The following RP1L1 variants were observed in gnomAD, a reference collection of about 807,000 sequenced individuals.
RP1L1 encodes retinitis pigmentosa 1-like 1 protein.
In RP1L1, 27 loss-of-function variants were observed where a neutral mutation model predicts 15.7. The observed-to-expected ratio is 1.72, with a 90% CI of 1.27 to 2.38. RP1L1 has a LOEUF of 2.38. Among genes scored for constraint, RP1L1 ranks in the 30% most tolerant of loss-of-function variants. RP1L1 has a pLI of 0.00. For synonymous variants in RP1L1, 1,813 were observed against 1,276.7 expected (o/e 1.42, Z -8.96); for missense variants, 4,798 against 3,075.9 (o/e 1.56, Z -13.24).
intron 1 of RP1L1, among the ~76,000 whole-genome samples, chr8:10,652,195 C>T (rs941983407): frequency 6.6e-6 from 1 of 152,170 alleles, no homozygotes; most frequent in African/African-American, 2.4e-5. Context: ...CATCATGAAG[C>T]CACGCATGAC....
rs932213244 is a variant in RP1L1 at position 10,618,060 on chromosome 8, T to C, written c.610-1473A>G. Reference sequence around the variant, plus strand: ...CGTTGTAATTAGCAATGCTTGGGGATGTATTTCCATCTTTAAAGCACAGAG... The same window carrying C: ...CGTTGTAATTAGCAATGCTTGGGGACGTATTTCCATCTTTAAAGCACAGAG... On this transcript the variant is annotated intron_variant, in intron 2 of 3. Coordinates refer to ENST00000382483, the MANE Select transcript of RP1L1 (RefSeq NM_178857.6). 5.9e-5 allele frequency among the ~76,000 whole-genome samples: 9 copies of C among 152,222 alleles called. No homozygotes were observed. The East Asian group carries it at 1.2e-3, about 20-fold the overall frequency.
At chr8:10,641,839 C>A (rs1441913327) in intron 1 of RP1L1, among the ~76,000 whole-genome samples, 1 of 152,198 alleles carries the variant, frequency 6.6e-6, no homozygotes, top group Non-Finnish European at 1.5e-5. Flanking sequence ...AAGGAATGAA[C>A]TATTGGTACA....
At chr8:10,633,067 A>G (rs187853194) in intron 1 of RP1L1, among the ~76,000 whole-genome samples, 209 of 152,302 alleles carry the variant, frequency 1.4e-3, no homozygotes, top group Admixed American at 5.0e-3. Flanking sequence ...GCAGTGTCCA[A>G]TTCTCTGCAT....
intron 1 of RP1L1, among the ~76,000 whole-genome samples, chr8:10,626,019 G>T (rs971813878): frequency 6.6e-6 from 1 of 152,088 alleles, no homozygotes; most frequent in Non-Finnish European, 1.5e-5. Context: ...GGTAGACGGA[G>T]CAAGGAAAAA....
At chr8:10,619,227 G>C (rs1296889367) in intron 2 of RP1L1, among the ~76,000 whole-genome samples, 1 of 152,170 alleles carries the variant, frequency 6.6e-6, no homozygotes, top group Non-Finnish European at 1.5e-5. Flanking sequence ...TTGCAGCTTG[G>C]GATCTAAATG....
At chr8:10,619,462 C>G (rs1207346012) in intron 2 of RP1L1, among the ~76,000 whole-genome samples, 1 of 152,188 alleles carries the variant, frequency 6.6e-6, no homozygotes, top group Non-Finnish European at 1.5e-5. Context: ...AGAGCACAGT[C>G]ATTCCAGAGG....
In RP1L1 at chr8:10,608,725, C is replaced by CTCAGCT. The variant is rs755686213; in HGVS notation, c.5367_5372dup (p.Ala1790_Glu1791dup). ...TTTCACTTATGCCCTCTCCCTCCTG[C>CTCAGCT]TCAGCTTCCCCCAACTCACTGCCCG... On this transcript the variant is annotated inframe_insertion, in exon 4 of 4. Coordinates refer to ENST00000382483, the MANE Select transcript of RP1L1 (RefSeq NM_178857.6). 4 of 1,614,240 alleles carry CTCAGCT rather than the reference C, an allele frequency of 2.5e-6. No individual in the cohort carries two copies. The highest frequency in any genetic ancestry group is 3.4e-6 in the Non-Finnish European group (4 of 1,180,060).
chr8:10,624,258 T>A (rs1798121949), intron 1 of RP1L1, among the ~76,000 whole-genome samples: 1 of 152,158 alleles, frequency 6.6e-6, no homozygotes, highest in South Asian at 2.1e-4. Context: ...GGTGGCATCC[T>A]GGGATGCAAC....
rs571245765 is a variant in RP1L1 at position 10,622,750 on chromosome 8, G to C, written c.452C>G (p.Pro151Arg). 2.0e-5 allele frequency: 33 copies of C among 1,614,098 alleles called. No individual in the cohort carries two copies. The highest frequency in any genetic ancestry group is 2.0e-4 in the African/African-American group (15 of 75,028). Reference protein sequence around the residue: ...TSSSRKSLKTPRRILLIKNMD... With the variant: ...TSSSRKSLKTRRRILLIKNMD... Reference sequence around the variant, plus strand: ...GTTCTTAATCAGCAGTATCCTCCGGGGGGTTTTAAGACTCTTCCGGGAGGA... The same window carrying C: ...GTTCTTAATCAGCAGTATCCTCCGGCGGGTTTTAAGACTCTTCCGGGAGGA... The change falls in exon 2 of 4, where the codon CCC (proline) becomes CGC (arginine). Residue 151 changes from proline to arginine, a missense_variant. Coordinates refer to ENST00000382483, the MANE Select transcript of RP1L1 (RefSeq NM_178857.6).
At chr8:10,646,035 G>A (rs59329830) in intron 1 of RP1L1, among the ~76,000 whole-genome samples, 29,369 of 152,204 alleles carry the variant, frequency 0.19, 3,567 homozygotes, top group Non-Finnish European at 0.26. Context: ...TGGTCACCAA[G>A]AGAACAAGAT....
chr8:10,613,598 TCCAAAAAAAA>T (rs1403008105), intron 3 of RP1L1, among the ~76,000 whole-genome samples: 3 of 38,730 alleles, frequency 7.7e-5, no homozygotes, highest in African/African-American at 1.7e-4. Context: ...ACACCATCTC[TCCAAAAAAAA>T]AAAAAAAAAA....
At chr8:10,637,294 C>A (rs369477971) in intron 1 of RP1L1, among the ~76,000 whole-genome samples, 1 of 152,202 alleles carries the variant, frequency 6.6e-6, no homozygotes, top group Non-Finnish European at 1.5e-5. Flanking sequence ...CACCCCAGAG[C>A]AGAGCACAGG....
intron 1 of RP1L1, among the ~76,000 whole-genome samples, chr8:10,645,932 G>A (rs909253678): frequency 6.6e-6 from 1 of 152,176 alleles, no homozygotes; most frequent in Non-Finnish European, 1.5e-5. Context: ...TCTTGTCTGG[G>A]CCCTACAGAG....
rs200916072 is a variant in RP1L1 at position 10,611,240 on chromosome 8, G to A, written c.2858C>T (p.Pro953Leu). The A allele has an allele frequency of 2.7e-5, 44 of 1,612,946 alleles. No individual in the cohort carries two copies. The highest frequency in any genetic ancestry group is 3.7e-5 in the Non-Finnish European group (44 of 1,180,040). Residue 953 changes from proline to leucine, a missense_variant, in exon 4 of 4, where the codon CCA becomes CTA. Pro to Leu is a moderately conservative substitution (Grantham distance 98, BLOSUM62 -3). Transcript: ENST00000382483. ...VSPSSLPRSS[P>L]EAVVREWLDN... ...CAGCCATTCGCGGACCACAGCCTCTGGAGACGAGCGGGGCAGAGAGCTGGG... is the reference window on the plus strand; with the variant it reads ...CAGCCATTCGCGGACCACAGCCTCTAGAGACGAGCGGGGCAGAGAGCTGGG...
intron 1 of RP1L1, among the ~76,000 whole-genome samples, chr8:10,638,390 C>G (rs13267218): frequency 0.11 from 16,346 of 152,102 alleles, 975 homozygotes; most frequent in Non-Finnish European, 0.13. Flanking sequence ...GAGACAGTTT[C>G]ATGTGGGGAA....
rs981198123 is a variant in RP1L1, at chr8:10,610,776, C to A, written c.3322G>T (p.Ala1108Ser). 3 of 1,613,266 alleles carry A rather than the reference C, an allele frequency of 1.9e-6. No individual in the cohort carries two copies. Among genetic ancestry groups the A allele is most frequent in the Admixed American group, 1.7e-5 (1 of 60,030 alleles). Reference protein sequence around the residue: ...SSVPEVSRPMARRLSCSAGAL... With the variant: ...SSVPEVSRPMSRRLSCSAGAL... ...CCGGCTGAGCAGCTGAGCCTCCTGG[C>A]CATGGGCCTAGACACTTCGGGCACG... is the stretch of plus-strand genomic sequence containing the variant. Residue 1108 changes from alanine (A) to serine (S), a missense_variant, in exon 4 of 4, where the codon GCC (alanine) becomes TCC (serine). Physicochemically the swap from Ala to Ser is moderately conservative, Grantham distance 99 (BLOSUM62 1). Transcript: ENST00000382483.
rs1350721619 is a variant in RP1L1 at position 10,608,160 on chromosome 8, G to C, written c.5938C>G (p.Leu1980Val). The change falls in exon 4 of 4, where the codon CTG (leucine) becomes GTG (valine). Residue 1980 changes from leucine to valine, a missense_variant. Coordinates refer to ENST00000382483, the MANE Select transcript of RP1L1 (RefSeq NM_178857.6). ...AQPESEDVEA[L>V]EVEVETQEAE... ...TCCTGGGTCTCCACTTCAACCTCCA[G>C]GGCCTCTACATCTTCTGACTCTGGC... The C allele has an allele frequency of 6.2e-7, 1 of 1,607,242 alleles. No homozygotes were observed. Among genetic ancestry groups the C allele is most frequent in the East Asian group, 2.3e-5 (1 of 44,322 alleles).
At chr8:10,620,338 G>A (rs1290777037) in intron 2 of RP1L1, among the ~76,000 whole-genome samples, 1 of 152,172 alleles carries the variant, frequency 6.6e-6, no homozygotes, top group African/African-American at 2.4e-5. Flanking sequence ...GGGTGCGGTG[G>A]CTCACGCCTG....
Position 10,606,398 on chromosome 8 carries a change from TG to T in RP1L1, c.*496del, listed in dbSNP as rs1258374999. 1.3e-5 allele frequency: 2 copies of T among 155,242 alleles called. No homozygotes were observed. Among genetic ancestry groups the T allele is most frequent in the Non-Finnish European group, 2.9e-5 (2 of 70,026 alleles). The allele number at this position is 155,242 out of a possible 1,614,324, so 9.6% of individuals were successfully genotyped here. A position where few individuals can be genotyped will look rare whatever the true frequency, so the allele number is the denominator to read the frequency against. ...CCAATGACTCTGAAGTTACCTGCTT[TG>T]CCCAAGTATTTCTGCAGAGTCATCA... On this transcript the variant is annotated 3_prime_UTR_variant, in exon 4 of 4. Coordinates refer to ENST00000382483, the MANE Select transcript of RP1L1 (RefSeq NM_178857.6).
Sources: gnomAD v4.1 joint callset for allele counts (sites outside exome capture counted in the v4.1 genomes callset) on GRCh38, gnomAD v4.1.1 for gene constraint, MANE v1.5 for transcripts, NCBI Gene and HGNC (gene_info 2026-07-23, HGNC 2026-07-21) for gene names.